Variants in CPB1 observed in about 807,000 individuals in gnomAD.
CPB1 encodes carboxypeptidase B1, also known as carboxypeptidase B.
CPB1 carries 53 observed loss-of-function variants against 51.4 expected under a neutral mutation model. The ratio of observed to expected loss-of-function variants is 1.03; its 90% confidence interval spans 0.83 to 1.30. The LOEUF (loss-of-function observed/expected upper bound fraction) is 1.30, where lower values mean the gene tolerates loss of function less well. Ranked by LOEUF, CPB1 falls within the 50% of genes most tolerant of loss-of-function variation. CPB1 has a pLI of 0.00. For missense variants in CPB1, 494 were observed against 516.2 expected, an observed-to-expected ratio of 0.96 and a Z score of 0.42; for synonymous variants, 189 against 186.9, an observed-to-expected ratio of 1.01 and a Z score of -0.09.
intron 3 of CPB1, among the ~76,000 whole-genome samples, 177 bp downstream of exon 3, chr3:148,834,799 G>T (rs1055222371): frequency 6.6e-6 from 1 of 152,124 alleles, no homozygotes; most frequent in African/African-American, 2.4e-5. Flanking sequence ...CAGTTCTGAT[G>T]GATTTTGTGT....
intron 9 of CPB1, chr3:148,850,799 G>A (rs978055486): frequency 6.6e-6 from 1 of 152,192 alleles, no homozygotes; most frequent in African/African-American, 2.4e-5. Flanking sequence ...AATAGCAAGA[G>A]TAGCAAGCCA....
intron 2 of CPB1, among the ~76,000 whole-genome samples, chr3:148,830,797 A>C (rs1266016570): frequency 6.6e-6 from 1 of 152,216 alleles, no homozygotes; most frequent in African/African-American, 2.4e-5. Flanking sequence ...AAGCCAAAAA[A>C]CAGTTAAATA....
At chr3:148,844,804 GA>G (rs774859067) in intron 8 of CPB1, 37 bp downstream of exon 8, 1 of 1,556,816 alleles carries the variant, frequency 6.4e-7, no homozygotes, top group South Asian at 1.1e-5. Context: ...TGTATCCATT[GA>G]AAAACATAAG....
rs1463336753 is a variant in CPB1, at chr3:148,846,819, A to G, written c.981+1193A>G. Among the ~76,000 whole-genome samples the G allele has an allele frequency of 4.9e-3, 517 of 104,876 alleles. 23 individuals are homozygous for G. The highest frequency in any genetic ancestry group is 6.6e-3 in the Non-Finnish European group (348 of 52,346). 68.8% of individuals were successfully genotyped at this position (104,876 alleles called of 152,430 possible). A position where few individuals can be genotyped will look rare whatever the true frequency, so the allele number is the denominator to read the frequency against. On this transcript the variant is annotated intron_variant, in intron 9 of 10. Transcript: ENST00000282957. ...TGTGTATATATATATATATATATAT[A>G]TATATATATATATATATATATATGT...
In CPB1 at chr3:148,834,570, G is replaced by T; in HGVS notation, c.220G>T (p.Glu74Ter). The T allele has an allele frequency of 1.9e-6, 3 of 1,613,510 alleles. No homozygotes were observed. The highest frequency in any genetic ancestry group is 2.5e-6 in the Non-Finnish European group (3 of 1,179,450). The change falls in exon 3 of 11, where the codon GAA (glutamate) becomes TAA (stop). Residue 74 changes from glutamate (E) to a stop codon, truncating the protein, a stop_gained. Coordinates refer to ENST00000282957, the MANE Select transcript of CPB1 (RefSeq NM_001871.3). LOFTEE classifies it high-confidence loss of function. ...HSTVDFRVKAEDTVTVENVLK... is the reference protein window; with the variant it reads ...HSTVDFRVKA ...TACAGTTGACTTCCGTGTTAAAGCA[G>T]AAGATACTGTCACTGTGGAGAATGT... is the stretch of plus-strand genomic sequence containing the variant.
chr3:148,833,500 AG>A (rs1712799215), intron 2 of CPB1, among the ~76,000 whole-genome samples: 1 of 152,140 alleles, frequency 6.6e-6, no homozygotes, highest in Non-Finnish European at 1.5e-5. Context: ...GTTTCCAATC[AG>A]TGGTCCTAAA....
At chr3:148,857,337 C>T (rs1250879753) in intron 9 of CPB1, 120 bp from the exon 10 acceptor site, 3 of 694,726 alleles carry the variant, frequency 4.3e-6, no homozygotes, top group South Asian at 1.8e-5. Context: ...CCTGAATAAG[C>T]ATATAATACG....
At chr3:148,830,422 C>T (rs915310406) in intron 2 of CPB1, among the ~76,000 whole-genome samples, 2 of 152,086 alleles carry the variant, frequency 1.3e-5, no homozygotes, top group African/African-American at 4.8e-5. Context: ...TTGGACACCT[C>T]TCTGGGTCTC....
Position 148,841,045 on chromosome 3 carries a change from T to A in CPB1, c.474+70T>A, listed in dbSNP as rs567834838. On this transcript the variant is annotated intron_variant, in intron 5 of 10. Transcript: ENST00000282957. ...ATCAATGAATTCTAACACATGAACA[T>A]CTGTTTCACAGACACGCTTATCCCA... The A allele has an allele frequency of 7.5e-4, 952 of 1,273,186 alleles. 2 individuals carry two copies. The highest frequency in any genetic ancestry group is 1.0e-3 in the Non-Finnish European group (883 of 882,734). 78.9% of individuals were successfully genotyped at this position (1,273,186 alleles called of 1,614,324 possible). A position where few individuals can be genotyped will look rare whatever the true frequency, so the allele number is the denominator to read the frequency against.
In CPB1 at chr3:148,828,043, T is replaced by G. The variant is rs757556861; in HGVS notation, c.113T>G (p.Ile38Ser). 6.2e-7 allele frequency: 1 copy of G among 1,614,130 alleles called. No individual in the cohort carries two copies. The highest frequency in any genetic ancestry group is 8.5e-7 in the Non-Finnish European group (1 of 1,179,992). Residue 38 changes from isoleucine (I) to serine (S), a missense_variant, in exon 2 of 11, where the codon ATT becomes AGT. Physicochemically the swap from Ile to Ser is moderately radical, Grantham distance 142 (BLOSUM62 -2). Transcript: ENST00000282957. ...GTTAACGTTGAAGATGAAAATCACATTAACATAATCCGCGAGTTGGCCAGC... is the reference window on the plus strand; with the variant it reads ...GTTAACGTTGAAGATGAAAATCACAGTAACATAATCCGCGAGTTGGCCAGC... ...FRVNVEDENH[I>S]NIIRELASTT...
intron 10 of CPB1, among the ~76,000 whole-genome samples, chr3:148,858,189 C>A (rs1484229489): frequency 3.3e-5 from 5 of 152,142 alleles, no homozygotes; most frequent in Admixed American, 6.5e-5. Flanking sequence ...ACCCAAAGAC[C>A]AACCAACCCC....
Position 148,847,372 on chromosome 3 carries a change from T to TAAAA in CPB1, c.981+1767_981+1770dup, listed in dbSNP as rs3043983. The stretch of plus-strand genomic sequence containing the variant: ...ACTCTAAAAGTCTCCAAATCATTCT[T>TAAAA]AAAAAAAAAAAAAAAAAAAAAAAAG... On this transcript the variant is annotated intron_variant, in intron 9 of 10. Transcript: ENST00000282957. 5.5e-4 allele frequency among the ~76,000 whole-genome samples: 48 copies of TAAAA among 86,678 alleles called. 1 individual carries two copies. The highest frequency in any genetic ancestry group is 3.2e-3 in the South Asian group (7 of 2,188). 56.9% of individuals were successfully genotyped at this position (86,678 alleles called of 152,430 possible). A position where few individuals can be genotyped will look rare whatever the true frequency, so the allele number is the denominator to read the frequency against.
rs767341161 is a variant in CPB1, at chr3:148,844,436, T to A, written c.577-42T>A. 3.4e-6 allele frequency: 5 copies of A among 1,462,820 alleles called. No individual in the cohort carries two copies. The Middle Eastern group carries it at 7.0e-4, about 204-fold the overall frequency. 90.6% of individuals were successfully genotyped at this position (1,462,820 alleles called of 1,614,324 possible). A position where few individuals can be genotyped will look rare whatever the true frequency, so the allele number is the denominator to read the frequency against. On this transcript the variant is annotated intron_variant, in intron 6 of 10. Transcript: ENST00000282957. ...TTTGTAAATTTTAACAGCATCATAA[T>A]TCCATTTTTCCATGAAATTCCTCTT...
intron 2 of CPB1, among the ~76,000 whole-genome samples, chr3:148,831,838 G>A (rs1205605808): frequency 6.6e-6 from 1 of 152,014 alleles, no homozygotes; most frequent in East Asian, 1.9e-4. Flanking sequence ...CAAGGTCCTG[G>A]TAATTTCTGA....
Position 148,841,878 on chromosome 3 carries a change from C to A in CPB1, c.530C>A (p.Ala177Asp), listed in dbSNP as rs1002264650. 1.2e-6 allele frequency: 2 copies of A among 1,613,908 alleles called. No individual in the cohort carries two copies. The highest frequency in any genetic ancestry group is 8.5e-7 in the Non-Finnish European group (1 of 1,179,846). ...ATTTTCATGGACTGTGGTTTCCATG[C>A]CAGAGAGTGGATTTCTCCTGCATTC... ...PAIFMDCGFH[A>D]REWISPAFCQ... Residue 177 changes from alanine to aspartate, a missense_variant, in exon 6 of 11, where the codon GCC becomes GAC. By Grantham distance (126) the Ala-to-Asp change is moderately radical. Transcript: ENST00000282957.
At chr3:148,835,159 T>C (rs1490586990) in intron 3 of CPB1, among the ~76,000 whole-genome samples, 2 of 152,186 alleles carry the variant, frequency 1.3e-5, no homozygotes, top group African/African-American at 4.8e-5. Context: ...CTAGAGTAGT[T>C]GGCTAAGCTG....
intron 9 of CPB1, among the ~76,000 whole-genome samples, chr3:148,850,368 C>T (rs1713389052): frequency 6.6e-6 from 1 of 152,114 alleles, no homozygotes; most frequent in Non-Finnish European, 1.5e-5. Flanking sequence ...GTGGTGCAAT[C>T]TCGGCTCACT....
chr3:148,842,326 T>C (rs1713111047), intron 6 of CPB1, among the ~76,000 whole-genome samples: 1 of 152,228 alleles, frequency 6.6e-6, no homozygotes, highest in Non-Finnish European at 1.5e-5. Context: ...ATGTAAAAGC[T>C]AATGGTTGTG....
At position 148,857,475 on chromosome 3, in the gene CPB1, A is replaced by C. The variant is rs781389717; in HGVS notation, c.1000A>C (p.Thr334Pro). Reference sequence around the variant, plus strand: ...TTTGCAGAATGCCCTGGCTAAAGCTACTGTGAAAGAACTTGCCTCACTGCA... The same window carrying C: ...TTTGCAGAATGCCCTGGCTAAAGCTCCTGTGAAAGAACTTGCCTCACTGCA... Reference protein sequence around the residue: ...NAELNALAKATVKELASLHGT... With the variant: ...NAELNALAKAPVKELASLHGT... Residue 334 changes from threonine (T) to proline (P), a missense_variant, in exon 10 of 11, where the codon ACT (threonine) becomes CCT (proline). Coordinates refer to ENST00000282957, the MANE Select transcript of CPB1 (RefSeq NM_001871.3). 4.3e-6 allele frequency: 7 copies of C among 1,613,822 alleles called. No individual in the cohort carries two copies. In the African/African-American group the frequency reaches 9.3e-5, roughly 22 times the overall value.
Sources: gnomAD v4.1 joint callset for allele counts (sites outside exome capture counted in the v4.1 genomes callset) on GRCh38, gnomAD v4.1.1 for gene constraint, MANE v1.5 for transcripts, NCBI Gene and HGNC (gene_info 2026-07-23, HGNC 2026-07-21) for gene names.